Variants in DIP2B observed in about 807,000 individuals in gnomAD.
DIP2B encodes disco-interacting protein 2 homolog B.
DIP2B carries 76 observed loss-of-function variants against 198.0 expected under a neutral mutation model. The ratio of observed to expected loss-of-function variants is 0.38; its 90% CI spans 0.32 to 0.46. The LOEUF is 0.46. DIP2B is among the 20% of genes least tolerant of loss of function. The pLI, the probability that DIP2B is intolerant of heterozygous loss-of-function variation, is 0.99. For missense variants in DIP2B, 1,559 were observed against 1,978.4 expected, an observed-to-expected ratio of 0.79 and a Z score of 4.02; for synonymous variants, 701 against 739.1, an observed-to-expected ratio of 0.95 and a Z score of 0.84.
intron 1 of DIP2B, among the ~76,000 whole-genome samples, chr12:50,593,123 T>G (rs951644587): frequency 1.3e-5 from 2 of 152,202 alleles, no homozygotes; most frequent in African/African-American, 2.4e-5. Context: ...TTGGCTGGAA[T>G]TAAAACCCAT....
At chr12:50,683,372 T>C in intron 10 of DIP2B, 124 bp downstream of exon 10, 2 of 696,066 alleles carry the variant, frequency 2.9e-6, no homozygotes, top group Non-Finnish European at 4.8e-6. Flanking sequence ...CAGCTTCACT[T>C]TCTAAAAACA....
chr12:50,706,958 T>A (rs1255674817), intron 21 of DIP2B, among the ~76,000 whole-genome samples: 1 of 152,206 alleles, frequency 6.6e-6, no homozygotes, highest in Non-Finnish European at 1.5e-5. Flanking sequence ...TGAGGAGAAT[T>A]CTAAAACATT....
intron 34 of DIP2B, among the ~76,000 whole-genome samples, chr12:50,736,150 G>A (rs1469626279): frequency 1.3e-5 from 2 of 152,156 alleles, no homozygotes; most frequent in Non-Finnish European, 2.9e-5. Context: ...ACTTGGTGGT[G>A]TATCACCCCA....
intron 9 of DIP2B, among the ~76,000 whole-genome samples, chr12:50,681,910 G>A (rs962336794): frequency 5.3e-5 from 8 of 152,284 alleles, no homozygotes; most frequent in African/African-American, 1.9e-4. Context: ...TAAATGTCTT[G>A]TGGAATTAAT....
At chr12:50,623,483 A>G (rs1204354853) in intron 1 of DIP2B, among the ~76,000 whole-genome samples, 1 of 148,046 alleles carries the variant, frequency 6.8e-6, no homozygotes, top group East Asian at 2.0e-4. Context: ...TCACCCAAGT[A>G]TAAACAATTT....
At chr12:50,652,030 A>G (rs1044238553) in intron 3 of DIP2B, among the ~76,000 whole-genome samples, 13 of 152,040 alleles carry the variant, frequency 8.6e-5, no homozygotes, top group African/African-American at 3.1e-4. Context: ...AAATACAAAA[A>G]TTAGCTGGGT....
intron 1 of DIP2B, among the ~76,000 whole-genome samples, chr12:50,617,723 C>G (rs774145500): frequency 7.2e-5 from 11 of 152,232 alleles, no homozygotes; most frequent in Non-Finnish European, 1.6e-4. Context: ...GCAGGAGAAG[C>G]ACTTGAACCC....
rs566649124 is a variant in DIP2B, at chr12:50,516,490, A to G, written c.100+11250A>G. Among the ~76,000 whole-genome samples the G allele has an allele frequency of 8.5e-5, 13 of 152,088 alleles. No individual in the cohort carries two copies. The South Asian group carries it at 2.7e-3, about 32-fold the overall frequency. On this transcript the variant is annotated intron_variant, in intron 1 of 37. Transcript: ENST00000301180. Reference sequence around the variant, plus strand: ...ACTGGTCTCAAACCCCTGGCCATGAATGATACTCCCACCTTGGCCTCCCAA... The same window carrying G: ...ACTGGTCTCAAACCCCTGGCCATGAGTGATACTCCCACCTTGGCCTCCCAA...
At chr12:50,582,145 GTTTTTTTTTTT>G (rs367699036) in intron 1 of DIP2B, among the ~76,000 whole-genome samples, 8 of 77,542 alleles carry the variant, frequency 1.0e-4, no homozygotes, top group Non-Finnish European at 1.4e-4. Context: ...CTTTTTTTCT[GTTTTTTTTTTT>G]TTTTTTTTTT....
At chr12:50,744,508 G>T in intron 37 of DIP2B, 79 bp from the exon 38 acceptor site, 1 of 1,573,240 alleles carries the variant, frequency 6.4e-7, no homozygotes, top group Non-Finnish European at 8.7e-7. Flanking sequence ...CGGGGAAATG[G>T]GCTAAGTCTG....
At chr12:50,609,669 G>A (rs564898617) in intron 1 of DIP2B, among the ~76,000 whole-genome samples, 4 of 152,256 alleles carry the variant, frequency 2.6e-5, no homozygotes, top group South Asian at 4.1e-4. Flanking sequence ...TAATTTGACC[G>A]TACCTACCTA....
At chr12:50,717,089 T>C (rs953825805) in intron 23 of DIP2B, among the ~76,000 whole-genome samples, 1 of 148,402 alleles carries the variant, frequency 6.7e-6, no homozygotes, top group Non-Finnish European at 1.5e-5. Context: ...GGATTACAGG[T>C]GTGAGCTACT....
rs193296321 is a variant in DIP2B, at chr12:50,699,257, G to C, written c.2325+55G>C. On this transcript the variant is annotated intron_variant, in intron 19 of 37. Coordinates refer to ENST00000301180, the MANE Select transcript of DIP2B (RefSeq NM_173602.3). ...ATGTTTGGGGATTTCAGGATGTTAC[G>C]AGGGCAGATCCCCTGGTTGATGGGA... The C allele has an allele frequency of 3.7e-6, 6 of 1,605,856 alleles. No individual in the cohort carries two copies. In the Admixed American group the frequency reaches 6.7e-5, roughly 18 times the overall value.
At chr12:50,658,535 T>C (rs1938591976) in intron 3 of DIP2B, among the ~76,000 whole-genome samples, 1 of 152,208 alleles carries the variant, frequency 6.6e-6, no homozygotes, top group Admixed American at 6.5e-5. Flanking sequence ...AATAAGTACA[T>C]ATACTTTGAT....
chr12:50,714,050 T>C (rs976811715), intron 22 of DIP2B, among the ~76,000 whole-genome samples: 1 of 152,252 alleles, frequency 6.6e-6, no homozygotes, highest in African/African-American at 2.4e-5. Context: ...TGTCATGGCT[T>C]GTGCCATTGC....
intron 1 of DIP2B, among the ~76,000 whole-genome samples, chr12:50,506,708 C>T (rs900094520): frequency 6.6e-6 from 1 of 152,164 alleles, no homozygotes; most frequent in African/African-American, 2.4e-5. Flanking sequence ...AAGTTCCCCC[C>T]GCTTCGAAAA....
At chr12:50,615,220 A>C (rs1944746507) in intron 1 of DIP2B, among the ~76,000 whole-genome samples, 1 of 152,234 alleles carries the variant, frequency 6.6e-6, no homozygotes, top group South Asian at 2.1e-4. Flanking sequence ...GGGAAAGAAG[A>C]AGCAATAATG....
chr12:50,637,246 A>G (rs1283672398), intron 2 of DIP2B, among the ~76,000 whole-genome samples: 1 of 152,160 alleles, frequency 6.6e-6, no homozygotes, highest in African/African-American at 2.4e-5. Context: ...TGGAAATATT[A>G]TTATCATTGA....
rs1277767101 is a variant in DIP2B, at chr12:50,734,167, T to C, written c.4014T>C (p.Tyr1338=). ...CAGGGCCTGATCCGACTACTGTGTATGTGGATCTGAAATCACTAAGACATG... is the reference window on the plus strand; with the variant it reads ...CAGGGCCTGATCCGACTACTGTGTACGTGGATCTGAAATCACTAAGACATG... The part of the protein sequence containing the change: ...GTSGPDPTTV[Y]VDLKSLRHDR... The change falls in exon 33 of 38, where the codon TAT becomes TAC. Residue 1338 remains tyrosine, a synonymous_variant. Coordinates refer to ENST00000301180, the MANE Select transcript of DIP2B (RefSeq NM_173602.3). 3.1e-6 allele frequency: 5 copies of C among 1,614,232 alleles called. No individual in the cohort carries two copies. The Admixed American group carries it at 8.3e-5, about 27-fold the overall frequency.
Sources: gnomAD v4.1 joint callset for allele counts (sites outside exome capture counted in the v4.1 genomes callset) on GRCh38, gnomAD v4.1.1 for gene constraint, MANE v1.5 for transcripts, NCBI Gene and HGNC (gene_info 2026-07-23, HGNC 2026-07-21) for gene names.